Variants in RC3H1 observed in about 807,000 individuals in gnomAD.
RC3H1 encodes the protein ring finger and CCCH-type domains 1, also known as roquin-1.
A neutral mutation model predicts 138.2 loss-of-function variants in RC3H1; 50 were observed. The ratio of observed to expected loss-of-function variants is 0.36; its 90% CI spans 0.29 to 0.46. RC3H1 has a LOEUF of 0.46. Among genes scored for constraint, RC3H1 ranks in the 20% least tolerant of loss-of-function variants. The pLI, the probability that RC3H1 is intolerant of heterozygous loss-of-function variation, is 1.00. For synonymous variants in RC3H1, 462 were observed against 489.1 expected (o/e 0.94, Z 0.73); for missense variants, 1,031 against 1,388.1 (o/e 0.74, Z 4.09).
intron 1 of RC3H1, among the ~76,000 whole-genome samples, chr1:174,017,462 A>G (rs1004073487): frequency 6.6e-6 from 1 of 152,182 alleles, no homozygotes; most frequent in Non-Finnish European, 1.5e-5. Flanking sequence ...ATCACATCCC[A>G]AAGTTTTTTC....
intron 8 of RC3H1, among the ~76,000 whole-genome samples, chr1:173,971,168 G>A (rs1244464184): frequency 6.6e-6 from 1 of 151,766 alleles, no homozygotes; most frequent in Non-Finnish European, 1.5e-5. Flanking sequence ...CATCATGTTA[G>A]CCAGGCTGGT....
chr1:173,945,296 T>C (rs1324323268), intron 17 of RC3H1, among the ~76,000 whole-genome samples: 2 of 152,022 alleles, frequency 1.3e-5, no homozygotes, highest in Non-Finnish European at 2.9e-5. Context: ...TGGCCAATTT[T>C]TGCACTTTTT....
Position 173,984,611 on chromosome 1 carries a change from C to G in RC3H1, c.240G>C (p.Glu80Asp). 6.2e-7 allele frequency: 1 copy of G among 1,612,224 alleles called. No individual in the cohort carries two copies. Among genetic ancestry groups the G allele is most frequent in the Non-Finnish European group, 8.5e-7 (1 of 1,179,482 alleles). ...CACTACACAAAGTAATAGGCTGCTGCTCAGGGACCTGGAGGCCAAAAGAAA... is the reference window on the plus strand; with the variant it reads ...CACTACACAAAGTAATAGGCTGCTGGTCAGGGACCTGGAGGCCAAAAGAAA... ...LLQLVGAQVP[E>D]QQPITLCSGV... Residue 80 changes from glutamate to aspartate, a missense_variant, in exon 3 of 20, where the codon GAG becomes GAC. Physicochemically the swap from Glu to Asp is conservative, Grantham distance 45. Around this residue, in one of 7 missense-constraint regions of RC3H1, gnomAD observed 80 missense variants for 81.1 expected, o/e 0.99. Coordinates refer to ENST00000367696, the MANE Select transcript of RC3H1 (RefSeq NM_172071.4).
intron 1 of RC3H1, among the ~76,000 whole-genome samples, chr1:173,995,134 G>A (rs911071228): frequency 3.3e-5 from 5 of 152,186 alleles, no homozygotes; most frequent in African/African-American, 1.2e-4. Flanking sequence ...AGATTTTAAA[G>A]ATGACTGCTG....
chr1:173,988,789 A>G (rs1661141279), intron 2 of RC3H1, among the ~76,000 whole-genome samples: 1 of 152,202 alleles, frequency 6.6e-6, no homozygotes, highest in African/African-American at 2.4e-5. Context: ...GCAATTACTT[A>G]AAGACAAACT....
At chr1:174,020,907 G>A (rs767696133) in intron 1 of RC3H1, among the ~76,000 whole-genome samples, 24 of 152,152 alleles carry the variant, frequency 1.6e-4, no homozygotes, top group Non-Finnish European at 3.5e-4. Context: ...TACTCCGGAT[G>A]GTGAGGCAGG....
At position 173,961,189 on chromosome 1, in the gene RC3H1, T is replaced by G. The variant is rs1454694440; in HGVS notation, c.2258A>C (p.Glu753Ala). The G allele has an allele frequency of 1.2e-6, 2 of 1,614,012 alleles. No homozygotes were observed. Among genetic ancestry groups the G allele is most frequent in the Non-Finnish European group, 1.7e-6 (2 of 1,180,002 alleles). ...TATTTCCTTTCGTCGGCGATGTAGTTCATCTAGACTAGGATGAGGCTGGGG... is the reference window on the plus strand; with the variant it reads ...TATTTCCTTTCGTCGGCGATGTAGTGCATCTAGACTAGGATGAGGCTGGGG... ...PPPQPHPSLD[E>A]LHRRRKEIMA... Residue 753 changes from glutamate (E) to alanine (A), a missense_variant, in exon 13 of 20, where the codon GAA becomes GCA. Coordinates refer to ENST00000367696, the MANE Select transcript of RC3H1 (RefSeq NM_172071.4).
At chr1:173,976,551 C>T (rs181361171) in intron 7 of RC3H1, among the ~76,000 whole-genome samples, 1 of 151,860 alleles carries the variant, frequency 6.6e-6, no homozygotes, top group East Asian at 1.9e-4. Context: ...ATGACCTTGA[C>T]AAAATAAGTT....
rs372438596 is a variant in RC3H1, at chr1:173,968,428, G to A, written c.1334+2077C>T. ...ACTCAATATTTCTCTTATGTTCCTAGGTAATTTATTGGTTCAATTTATATA... is the reference window on the plus strand; with the variant it reads ...ACTCAATATTTCTCTTATGTTCCTAAGTAATTTATTGGTTCAATTTATATA... On this transcript the variant is annotated intron_variant, in intron 9 of 19. Coordinates refer to ENST00000367696, the MANE Select transcript of RC3H1 (RefSeq NM_172071.4). 2.0e-4 allele frequency among the ~76,000 whole-genome samples: 30 copies of A among 152,098 alleles called. No homozygotes were observed. The East Asian group carries it at 2.7e-3, about 14-fold the overall frequency.
chr1:174,001,031 T>A (rs142217068), intron 1 of RC3H1, among the ~76,000 whole-genome samples: 2 of 152,130 alleles, frequency 1.3e-5, no homozygotes, highest in African/African-American at 4.8e-5. Flanking sequence ...TTAGTACAAA[T>A]GGATAAATAC....
intron 1 of RC3H1, among the ~76,000 whole-genome samples, chr1:174,018,441 G>A (rs1312180625): frequency 1.3e-5 from 2 of 152,114 alleles, no homozygotes; most frequent in Non-Finnish European, 2.9e-5. Context: ...AAGTGTCTGG[G>A]GGATGTAGGG....
At chr1:173,992,723 G>C (rs746075830) in intron 2 of RC3H1, 32 bp downstream of exon 2, 13 of 1,488,102 alleles carry the variant, frequency 8.7e-6, no homozygotes, top group Non-Finnish European at 9.4e-6. Context: ...GAGAGAGGGA[G>C]AAATTTAAAA....
rs542726699 is a variant in RC3H1 at position 173,977,089 on chromosome 1, ATT to A, written c.1102+1397_1102+1398del. On this transcript the variant is annotated intron_variant, in intron 7 of 19. Coordinates refer to ENST00000367696, the MANE Select transcript of RC3H1 (RefSeq NM_172071.4). ...AGGCGCCCGCCACCATGCCCAGCTA[ATT>A]TTTTTTGTATTTTTAGTAGAGACGG... is the stretch of plus-strand genomic sequence containing the variant. Among the ~76,000 whole-genome samples the A allele has an allele frequency of 2.5e-4, 38 of 151,538 alleles. 1 individual carries two copies. The South Asian group carries it at 7.9e-3, about 32-fold the overall frequency.
intron 1 of RC3H1, among the ~76,000 whole-genome samples, chr1:174,005,223 T>C (rs1252472576): frequency 1.3e-5 from 2 of 152,176 alleles, no homozygotes; most frequent in African/African-American, 4.8e-5. Flanking sequence ...AGCTGTTTTA[T>C]AATAGCTCAG....
At chr1:173,991,736 A>G (rs192635870) in intron 2 of RC3H1, among the ~76,000 whole-genome samples, 132 of 152,336 alleles carry the variant, frequency 8.7e-4, no homozygotes, top group African/African-American at 2.8e-3. Context: ...CAATTTTGCA[A>G]CTTTTACTGA....
intron 13 of RC3H1, among the ~76,000 whole-genome samples, chr1:173,957,474 A>T (rs1398736108): frequency 1.8e-4 from 27 of 152,218 alleles, no homozygotes; most frequent in Non-Finnish European, 4.4e-5. Flanking sequence ...CATATTTCTT[A>T]TAAAACAATA....
At position 173,961,788 on chromosome 1, in the gene RC3H1, T is replaced by C. The variant is rs1439828980; in HGVS notation, c.2139A>G (p.Gln713=). ...SYVPESRERY[Q]QIESYYPVAP... ...CCACTGGATAGTAACTCTCGATCTG[T>C]TGGTATCTTTCTCTGGATTCTGGTA... The change falls in exon 12 of 20, where the codon CAA becomes CAG. Residue 713 remains glutamine (Q), a synonymous_variant. Transcript: ENST00000367696. The C allele has an allele frequency of 2.5e-6, 4 of 1,613,364 alleles. No individual in the cohort carries two copies. Among genetic ancestry groups the C allele is most frequent in the Non-Finnish European group, 3.4e-6 (4 of 1,180,006 alleles).
At chr1:173,984,875 A>C (rs1434503195) in intron 2 of RC3H1, among the ~76,000 whole-genome samples, 1 of 152,196 alleles carries the variant, frequency 6.6e-6, no homozygotes. Context: ...CCTGGTTTTC[A>C]GTATATTCAC....
chr1:174,017,914 G>T (rs1410822225), intron 1 of RC3H1, among the ~76,000 whole-genome samples: 1 of 150,038 alleles, frequency 6.7e-6, no homozygotes, highest in African/African-American at 2.5e-5. Flanking sequence ...ATCAGTGAAG[G>T]TATACCAGTG....
Sources: gnomAD v4.1 joint callset for allele counts (sites outside exome capture counted in the v4.1 genomes callset) on GRCh38, gnomAD v4.1.1 for gene constraint, gnomAD v4.1.1 regional missense constraint, MANE v1.5 for transcripts, NCBI Gene and HGNC (gene_info 2026-07-23, HGNC 2026-07-21) for gene names.